Variants in ATL1 observed in about 807,000 individuals in gnomAD.
ATL1 encodes atlastin GTPase 1, also known as atlastin-1.
ATL1 carries 31 observed loss-of-function variants against 75.5 expected under a neutral mutation model. The observed-to-expected ratio is 0.41, with a 90% CI of 0.31 to 0.55. The LOEUF (loss-of-function observed/expected upper bound fraction) is 0.55, where lower values mean the gene tolerates loss of function less well. Among genes scored for constraint, ATL1 ranks in the 20% least tolerant of loss-of-function variants. The pLI, the probability that ATL1 is intolerant of heterozygous loss-of-function variation, is 0.27. For synonymous variants in ATL1, 226 were observed against 233.3 expected, an observed-to-expected ratio of 0.97 and a Z score of 0.28; for missense variants, 405 against 662.6, an observed-to-expected ratio of 0.61 and a Z score of 4.27.
At position 50,587,129 on chromosome 14, in the gene ATL1, A is replaced by G. The variant is rs2039109289; in HGVS notation, c.35-702A>G. On this transcript the variant is annotated intron_variant, in intron 1 of 13. Coordinates refer to ENST00000358385, the MANE Select transcript of ATL1 (RefSeq NM_015915.5). ...TCTTCCTATATATGTTCAGCTTTAA[A>G]AAGTATTGCAAGGATCCTTTATGTA... 3.3e-5 allele frequency among the ~76,000 whole-genome samples: 5 copies of G among 152,304 alleles called. No individual in the cohort carries two copies. The South Asian group carries it at 1.0e-3, about 32-fold the overall frequency.
chr14:50,564,256 T>C (rs1026213738), intron 1 of ATL1, among the ~76,000 whole-genome samples: 1 of 152,190 alleles, frequency 6.6e-6, no homozygotes, highest in Non-Finnish European at 1.5e-5. Flanking sequence ...TGTTTGTTTG[T>C]TTTTGTCAAA....
intron 11 of ATL1, among the ~76,000 whole-genome samples, chr14:50,626,902 CCT>C (rs2039526144): frequency 6.6e-6 from 1 of 152,154 alleles, no homozygotes; most frequent in African/African-American, 2.4e-5. Flanking sequence ...TCCCCTTCCC[CCT>C]ACTCTTTTCC....
chr14:50,586,566 G>T (rs2039103824), intron 1 of ATL1, among the ~76,000 whole-genome samples: 1 of 152,076 alleles, frequency 6.6e-6, no homozygotes, highest in South Asian at 2.1e-4. Context: ...AATTATTGAG[G>T]GTTTCTTTGA....
chr14:50,589,786 G>A (rs1248545237), intron 2 of ATL1, among the ~76,000 whole-genome samples: 1 of 152,156 alleles, frequency 6.6e-6, no homozygotes, highest in African/African-American at 2.4e-5. Flanking sequence ...TTTAGAACAA[G>A]ATAGGATATA....
intron 1 of ATL1, among the ~76,000 whole-genome samples, chr14:50,587,229 T>G (rs2140200931): frequency 6.6e-6 from 1 of 152,322 alleles, no homozygotes; most frequent in South Asian, 2.1e-4. Flanking sequence ...AGTAGAGTGC[T>G]TTGCTTTGAT....
intron 1 of ATL1, among the ~76,000 whole-genome samples, chr14:50,535,973 C>T (rs888911656): frequency 5.3e-5 from 8 of 152,226 alleles, no homozygotes; most frequent in African/African-American, 1.7e-4. Flanking sequence ...TTCCCCTGCA[C>T]AAGCTCCCTC....
intron 1 of ATL1, among the ~76,000 whole-genome samples, chr14:50,569,610 G>A (rs527599434): frequency 6.6e-6 from 1 of 152,160 alleles, no homozygotes; most frequent in South Asian, 2.1e-4. Flanking sequence ...TACCTTTAAT[G>A]ATTGCCCATG....
At chr14:50,589,318 C>G (rs2039133099) in intron 2 of ATL1, among the ~76,000 whole-genome samples, 1 of 152,020 alleles carries the variant, frequency 6.6e-6, no homozygotes, top group Non-Finnish European at 1.5e-5. Flanking sequence ...GCCACCACAT[C>G]TGGATAATTT....
rs911223284 is a variant in ATL1 at position 50,620,530 on chromosome 14, G to A, written c.863-69G>A. 2.6e-6 allele frequency: 4 copies of A among 1,522,492 alleles called. No homozygotes were observed. The East Asian group carries it at 9.5e-5, about 36-fold the overall frequency. 94.3% of individuals were successfully genotyped at this position (1,522,492 alleles called of 1,614,324 possible). A position where few individuals can be genotyped will look rare whatever the true frequency, so the allele number is the denominator to read the frequency against. ...GAGGAAATGGGGGAGATCAAAGGAT[G>A]TTTTATTCTGTGGCATGGAGGACTG... On this transcript the variant is annotated intron_variant, in intron 8 of 13. Transcript: ENST00000358385.
chr14:50,591,074 A>G lies in ATL1; in HGVS notation c.416A>G (p.Lys139Arg), dbSNP rs879253950. The change falls in exon 3 of 14, where the codon AAG becomes AGG. Residue 139 changes from lysine to arginine, a missense_variant and splice_region_variant. Physicochemically the swap from Lys to Arg is conservative, Grantham distance 26. Coordinates refer to ENST00000358385, the MANE Select transcript of ATL1 (RefSeq NM_015915.5). ...IFLINKPDGK[K>R]VAVLLMDTQG... ...CTTATCAATAAACCTGATGGTAAAA[A>G]GGTATGATGCTAACTTCCTAAATAA... is the stretch of plus-strand genomic sequence containing the variant. 6.2e-7 allele frequency: 1 copy of G among 1,612,976 alleles called. No individual in the cohort carries two copies. Among genetic ancestry groups the G allele is most frequent in the Non-Finnish European group, 8.5e-7 (1 of 1,179,556 alleles).
chr14:50,619,734 C>T (rs2039449230), intron 8 of ATL1, among the ~76,000 whole-genome samples: 1 of 152,106 alleles, frequency 6.6e-6, no homozygotes, highest in South Asian at 2.1e-4. Context: ...TTTTGTGTTG[C>T]TGAGTTCCAC....
intron 8 of ATL1, 126 bp from the exon 9 acceptor site, chr14:50,620,473 A>T: frequency 9.0e-6 from 9 of 995,462 alleles, no homozygotes; most frequent in Non-Finnish European, 1.2e-5. Context: ...CGCTTAAATG[A>T]TGGGGAAGTG....
intron 1 of ATL1, among the ~76,000 whole-genome samples, chr14:50,537,387 C>A (rs1256324670): frequency 6.6e-6 from 1 of 152,182 alleles, no homozygotes; most frequent in African/African-American, 2.4e-5. Context: ...AGGGGTAGTG[C>A]CCTCACGGAG....
In ATL1 at chr14:50,548,745, T is replaced by C. The variant is rs147391436; in HGVS notation, c.-139-11382T>C. Among the ~76,000 whole-genome samples, 376 of 152,056 alleles carry C rather than the reference T, an allele frequency of 2.5e-3. 2 individuals are homozygous for C. The highest frequency in any genetic ancestry group is 8.5e-3 in the African/African-American group (354 of 41,496). ...CAGGATGGTCTCGATCTCCTGACCT[T>C]GTGATCCGCCTGCCTCAGCCTCCCA... On this transcript the variant is annotated intron_variant, in intron 1 of 13. Transcript: ENST00000441560.
rs146430149 is a variant in ATL1 at position 50,582,825 on chromosome 14, T to G, written c.35-5006T>G. Among the ~76,000 whole-genome samples, 576 of 152,288 alleles carry G rather than the reference T, an allele frequency of 3.8e-3. 6 individuals are homozygous for G. Among genetic ancestry groups the G allele is most frequent in the African/African-American group, 0.013 (556 of 41,554 alleles). ...TAGGCAACTCATTTATGAATATACA[T>G]GCACAATTCCTAAACAAAATCTTAG... On this transcript the variant is annotated intron_variant, in intron 1 of 13. Coordinates refer to ENST00000358385, the MANE Select transcript of ATL1 (RefSeq NM_015915.5).
At chr14:50,581,082 T>C (rs1376401746) in intron 1 of ATL1, among the ~76,000 whole-genome samples, 1 of 151,924 alleles carries the variant, frequency 6.6e-6, no homozygotes, top group East Asian at 1.9e-4. Flanking sequence ...TCTCTTATTT[T>C]CTTTGATCAG....
chr14:50,611,508 T>A (rs1486472057), intron 6 of ATL1, among the ~76,000 whole-genome samples: 1 of 152,134 alleles, frequency 6.6e-6, no homozygotes, highest in Non-Finnish European at 1.5e-5. Context: ...GGAGGAGTGG[T>A]AAGAGGAAAT....
chr14:50,536,590 G>A (rs1266171382), intron 1 of ATL1, among the ~76,000 whole-genome samples: 1 of 152,174 alleles, frequency 6.6e-6, no homozygotes, highest in Non-Finnish European at 1.5e-5. Flanking sequence ...GGGAAAGTTT[G>A]GAACTTCCTA....
At chr14:50,588,209 T>C (rs937213675) in intron 2 of ATL1, 131 bp downstream of exon 2, 1 of 1,204,326 alleles carries the variant, frequency 8.3e-7, no homozygotes, top group Non-Finnish European at 1.2e-6. Flanking sequence ...AAAGAAATGC[T>C]GTGGTGTAAC....
Sources: allele counts gnomAD v4.1 joint callset (sites outside exome capture counted in the v4.1 genomes callset), GRCh38; gene constraint gnomAD v4.1.1; transcripts MANE v1.5; gene names NCBI Gene and HGNC (gene_info 2026-07-23, HGNC 2026-07-21).